NIN: variants seen among roughly 807,000 people sequenced by gnomAD.
The protein encoded by NIN is glycogen synthase kinase 3 beta-interacting protein.
Under a neutral mutation model 257.6 loss-of-function variants are expected in NIN, and 137 were observed. That is an observed-to-expected ratio of 0.53 (90% confidence interval 0.46 to 0.61). NIN has a LOEUF of 0.61. NIN is among the 20% of genes least tolerant of loss of function. The pLI, the probability that NIN is intolerant of heterozygous loss-of-function variation, is 0.00. For missense variants in NIN, 2,439 were observed against 2,501.2 expected, an observed-to-expected ratio of 0.98 and a Z score of 0.53; for synonymous variants, 918 against 919.8, an observed-to-expected ratio of 1.00 and a Z score of 0.04.
intron 15 of NIN, 119 bp downstream of exon 15, chr14:50,763,707 C>A: frequency 3.8e-6 from 3 of 798,568 alleles, no homozygotes; most frequent in East Asian, 2.7e-5. Context: ...AGAGTATGGC[C>A]AAATTCTTTT....
chr14:50,821,822 C>T lies in NIN; in HGVS notation c.183+52G>A, dbSNP rs374846228. On this transcript the variant is annotated intron_variant, in intron 3 of 30. Coordinates refer to ENST00000530997, the MANE Select transcript of NIN (RefSeq NM_020921.4). Reference sequence around the variant, plus strand: ...GTGGTCCGCCCCACCCCCAGCACCCCGGCAGAAACCGCACCCCACTTCCCA... The same window carrying T: ...GTGGTCCGCCCCACCCCCAGCACCCTGGCAGAAACCGCACCCCACTTCCCA... 3.3e-5 allele frequency: 49 copies of T among 1,490,656 alleles called. No homozygotes were observed. The African/African-American group carries it at 4.0e-4, about 12-fold the overall frequency. 92.3% of individuals were successfully genotyped at this position (1,490,656 alleles called of 1,614,324 possible).
intron 24 of NIN, 33 bp from the exon 25 acceptor site, chr14:50,741,761 C>T (rs1442121350): frequency 7.5e-6 from 12 of 1,607,056 alleles, no homozygotes; most frequent in Non-Finnish European, 7.6e-6. Flanking sequence ...TACTGCTACA[C>T]AAACTCTTGT....
At chr14:50,776,543 A>C (rs544662400) in intron 7 of NIN, among the ~76,000 whole-genome samples, 1 of 152,188 alleles carries the variant, frequency 6.6e-6, no homozygotes, top group African/African-American at 2.4e-5. Flanking sequence ...CCAAAAACTT[A>C]AATTTATCCT....
Position 50,739,360 on chromosome 14 carries a change from A to T in NIN, c.5576T>A (p.Leu1859His), listed in dbSNP as rs772978949. ...TTTGGTGTTCTGTACCATGGTCTGG[A>T]GCCTCTCATTCTCTTGCCAAAGCAG... is the stretch of plus-strand genomic sequence containing the variant. ...QQLLWQENERLQTMVQNTKAE... is the reference protein window; with the variant it reads ...QQLLWQENERHQTMVQNTKAE... The change falls in exon 26 of 31, where the codon CTC becomes CAC. Residue 1859 changes from leucine (L) to histidine (H), a missense_variant. Physicochemically the swap from Leu to His is moderately conservative, Grantham distance 99 (BLOSUM62 -3). Coordinates refer to ENST00000530997, the MANE Select transcript of NIN (RefSeq NM_020921.4). 5 of 1,614,048 alleles carry T rather than the reference A, an allele frequency of 3.1e-6. No individual in the cohort carries two copies. In the African/African-American group the frequency reaches 6.7e-5, roughly 22 times the overall value.
chr14:50,737,385 A>C (rs1481424566), intron 27 of NIN, among the ~76,000 whole-genome samples: 1 of 151,418 alleles, frequency 6.6e-6, no homozygotes, highest in South Asian at 2.1e-4. Context: ...CCTGGCCAAC[A>C]TGTAGACTGC....
Position 50,726,288 on chromosome 14 carries a change from T to C in NIN, c.6079-222A>G. 6.3e-6 allele frequency: 3 copies of C among 473,156 alleles called. No homozygotes were observed. In the East Asian group the frequency reaches 9.5e-5, roughly 15 times the overall value. The allele number at this position is 473,156 out of a possible 1,614,324, so 29.3% of individuals were successfully genotyped here. A position where few individuals can be genotyped will look rare whatever the true frequency, so the allele number is the denominator to read the frequency against. On this transcript the variant is annotated intron_variant, in intron 29 of 30. Coordinates refer to ENST00000530997, the MANE Select transcript of NIN (RefSeq NM_020921.4). ...ATCAGACTGAAAAATCAAAAGAATC[T>C]TACCTGTGTTACCATCATCCCCCTG...
Position 50,743,545 on chromosome 14 carries a change from A to G in NIN, c.5188-16T>C. On this transcript the variant is annotated splice_polypyrimidine_tract_variant and intron_variant, in intron 23 of 30. Coordinates refer to ENST00000530997, the MANE Select transcript of NIN (RefSeq NM_020921.4). ...ATTTTGCCAACTGTTTCAGGAAGGG[A>G]AAAAGAGGTAAGAGGGCATTTTTGC... 1 of 1,547,276 alleles carries G rather than the reference A, an allele frequency of 6.5e-7. No individual in the cohort carries two copies. The highest frequency in any genetic ancestry group is 1.7e-4 in the Middle Eastern group (1 of 5,926).
At chr14:50,779,745 G>A (rs112238158) in intron 5 of NIN, among the ~76,000 whole-genome samples, 19,685 of 150,784 alleles carry the variant, frequency 0.13, 2,468 homozygotes, top group African/African-American at 0.34. Flanking sequence ...GCAACAGAGC[G>A]AGACTCCGTC....
In NIN at chr14:50,819,886, T is replaced by C. The variant is rs112119670; in HGVS notation, c.183+1988A>G. 5.6e-3 allele frequency among the ~76,000 whole-genome samples: 847 copies of C among 152,330 alleles called. 11 individuals carry two copies. The highest frequency in any genetic ancestry group is 0.02 in the African/African-American group (811 of 41,566). On this transcript the variant is annotated intron_variant, in intron 3 of 30. Coordinates refer to ENST00000530997, the MANE Select transcript of NIN (RefSeq NM_020921.4). Reference sequence around the variant, plus strand: ...AAAACCACTTATAATTTTACAACTATAATCCCTACTGTATGCATCATGAAA... The same window carrying C: ...AAAACCACTTATAATTTTACAACTACAATCCCTACTGTATGCATCATGAAA...
At position 50,739,316 on chromosome 14, in the gene NIN, G is replaced by A. The variant is rs752916118; in HGVS notation, c.5620C>T (p.Arg1874Trp). The change falls in exon 26 of 31, where the codon CGG becomes TGG. Residue 1874 changes from arginine to tryptophan, a missense_variant. Around this residue, in one of 3 missense-constraint regions of NIN, gnomAD observed 2,043 missense variants for 2,050.2 expected, o/e 1.00. Transcript: ENST00000530997. ...GCAGCTTCTCCAATTACCTTCTCCC[G>A]GGAGTGCGTGAGTTCGGCTTTGGTG... is the stretch of plus-strand genomic sequence containing the variant. ...QNTKAELTHS[R>W]EKVRQLESNL... 7.8e-5 allele frequency: 126 copies of A among 1,613,782 alleles called. No homozygotes were observed. The highest frequency in any genetic ancestry group is 1.3e-4 in the Admixed American group (8 of 59,978).
Position 50,772,618 on chromosome 14 carries a change from C to G in NIN, c.814-150G>C, listed in dbSNP as rs147436198. On this transcript the variant is annotated intron_variant, in intron 8 of 30. Transcript: ENST00000530997. ...TCATGCAGCCTCTCTGATCTCTGTT[C>G]CCAACTGAGTCAAGCCTACGGAGCT... 3,045 of 711,442 alleles carry G rather than the reference C, an allele frequency of 4.3e-3. 11 individuals carry two copies. Among genetic ancestry groups the G allele is most frequent in the Non-Finnish European group, 5.5e-3 (2,343 of 425,188 alleles). 44.1% of individuals were successfully genotyped at this position (711,442 alleles called of 1,614,324 possible).
chr14:50,722,328 AAC>A lies in NIN; in HGVS notation c.*1133_*1134del, dbSNP rs1489063066. 5.5e-5 allele frequency: 12 copies of A among 216,270 alleles called. No individual in the cohort carries two copies. 13.4% of individuals were successfully genotyped at this position (216,270 alleles called of 1,614,324 possible). A position where few individuals can be genotyped will look rare whatever the true frequency, so the allele number is the denominator to read the frequency against. On this transcript the variant is annotated 3_prime_UTR_variant, in exon 31 of 31. Coordinates refer to ENST00000530997, the MANE Select transcript of NIN (RefSeq NM_020921.4). ...GATTTGAGGTATAGAAGGAATAAGA[AAC>A]ACAGAAAATTTTGACCTATATTAAA...
chr14:50,769,521 A>G (rs926353149), intron 12 of NIN, among the ~76,000 whole-genome samples: 2 of 151,798 alleles, frequency 1.3e-5, no homozygotes, highest in African/African-American at 4.8e-5. Flanking sequence ...TTTTAGATCC[A>G]GAGTCTTGCT....
In NIN at chr14:50,830,528, A is replaced by G. The variant is rs2045657320; in HGVS notation, c.-75-11T>C. 1.2e-5 allele frequency: 2 copies of G among 167,628 alleles called. No homozygotes were observed. The highest frequency in any genetic ancestry group is 2.9e-5 in the Non-Finnish European group (2 of 68,236). 10.4% of individuals were successfully genotyped at this position (167,628 alleles called of 1,614,324 possible). ...CCCGCCTCCAGCGCTCTGCAAAGCG[A>G]AGGAGGACGCTTTGTTAGGGCTGGA... is the stretch of plus-strand genomic sequence containing the variant. On this transcript the variant is annotated splice_polypyrimidine_tract_variant and intron_variant, in intron 1 of 30. Transcript: ENST00000530997.
chr14:50,731,413 C>T (rs2040691326), intron 28 of NIN, among the ~76,000 whole-genome samples: 1 of 151,718 alleles, frequency 6.6e-6, no homozygotes, highest in Non-Finnish European at 1.5e-5. Flanking sequence ...CGCCTTTGGT[C>T]CCAGCTACTC....
rs1252076371 is a variant in NIN at position 50,760,003 on chromosome 14, T to C, written c.2253A>G (p.Thr751=). 3 of 1,614,230 alleles carry C rather than the reference T, an allele frequency of 1.9e-6. No individual in the cohort carries two copies. Among genetic ancestry groups the C allele is most frequent in the African/African-American group, 1.3e-5 (1 of 75,062 alleles). ...GAGTCAAGCCTCTCACCTTCTCTTC[T>C]GTCCAGGCGCTACTCTGAAGGCCTT... ...EREGLQSSAW[T]EEKVRGLTQE... is the part of the protein sequence containing the mutation. The change falls in exon 17 of 31, where the codon ACA becomes ACG. Residue 751 remains threonine (T), a synonymous_variant. Coordinates refer to ENST00000530997, the MANE Select transcript of NIN (RefSeq NM_020921.4).
intron 5 of NIN, among the ~76,000 whole-genome samples, chr14:50,783,757 G>A (rs1454829999): frequency 6.6e-6 from 1 of 152,148 alleles, no homozygotes; most frequent in Non-Finnish European, 1.5e-5. Context: ...AGGAGGGGAA[G>A]GCAGGTTAGA....
In NIN at chr14:50,770,756, G is replaced by A. The variant is rs1316243549; in HGVS notation, c.1259+96C>T. 6.9e-6 allele frequency: 10 copies of A among 1,442,322 alleles called. No individual in the cohort carries two copies. In the Admixed American group the frequency reaches 2.1e-4, roughly 30 times the overall value. The allele number at this position is 1,442,322 out of a possible 1,614,324, so 89.3% of individuals were successfully genotyped here. On this transcript the variant is annotated intron_variant, in intron 11 of 30. Coordinates refer to ENST00000530997, the MANE Select transcript of NIN (RefSeq NM_020921.4). ...GGTGTGGCCAACAGGCTGACCAGAA[G>A]AGTCCCCAGTGCACTGTTCTGCCCC... is the stretch of plus-strand genomic sequence containing the variant.
intron 27 of NIN, 120 bp downstream of exon 27, chr14:50,738,020 G>T: frequency 1.0e-6 from 1 of 963,140 alleles, no homozygotes; most frequent in Non-Finnish European, 1.6e-6. Context: ...AGCATAAAGA[G>T]ATACATGCCA....
Sources: allele counts gnomAD v4.1 joint callset (sites outside exome capture counted in the v4.1 genomes callset), GRCh38; gene constraint gnomAD v4.1.1; regional missense constraint gnomAD v4.1.1; transcripts MANE v1.5; gene names NCBI Gene and HGNC (gene_info 2026-07-23, HGNC 2026-07-21).